SNAP91: variants seen among roughly 807,000 people sequenced by gnomAD.
SNAP91 encodes clathrin coat assembly protein AP180.
SNAP91 carries 27 observed loss-of-function variants against 100.3 expected under a neutral mutation model. That is an observed-to-expected ratio of 0.27 (90% CI 0.20 to 0.37). The LOEUF is 0.37. Among genes scored for constraint, SNAP91 ranks in the 10% least tolerant of loss-of-function variants. The pLI is 1.00. For missense variants in SNAP91, 986 were observed against 1,123.7 expected (o/e 0.88, Z 1.75); for synonymous variants, 404 against 398.6 (o/e 1.01, Z -0.16).
At chr6:83,611,149 G>A (rs561075541) in intron 11 of SNAP91, among the ~76,000 whole-genome samples, 2 of 152,084 alleles carry the variant, frequency 1.3e-5, no homozygotes, top group African/African-American at 2.4e-5. Context: ...GATCCCTACA[G>A]GCCCTGTGCT....
intron 2 of SNAP91, among the ~76,000 whole-genome samples, chr6:83,686,486 T>A (rs1399929330): frequency 6.6e-6 from 1 of 152,240 alleles, no homozygotes; most frequent in East Asian, 1.9e-4. Context: ...TAAAGATTTG[T>A]GCTTTAAACT....
At chr6:83,689,769 T>A (rs1418411839) in intron 2 of SNAP91, 3 of 152,136 alleles carry the variant, frequency 2.0e-5, no homozygotes, top group Non-Finnish European at 1.5e-5. Flanking sequence ...AATATCCTTA[T>A]AATTTTCTAT....
At chr6:83,607,202 C>G (rs1328283990) in intron 13 of SNAP91, among the ~76,000 whole-genome samples, 2 of 152,116 alleles carry the variant, frequency 1.3e-5, no homozygotes, top group South Asian at 2.1e-4. Flanking sequence ...CCCCAGATTT[C>G]TCACTACTGT....
intron 2 of SNAP91, among the ~76,000 whole-genome samples, chr6:83,681,855 C>T (rs1056976867): frequency 5.3e-5 from 8 of 152,132 alleles, no homozygotes; most frequent in Admixed American, 1.3e-4. Flanking sequence ...AAATCCTGGA[C>T]TGAAAAACAG....
intron 26 of SNAP91, among the ~76,000 whole-genome samples, chr6:83,573,201 A>G (rs1180185547): frequency 6.6e-6 from 1 of 152,172 alleles, no homozygotes; most frequent in Non-Finnish European, 1.5e-5. Context: ...CCCATTCACA[A>G]TTGCTTCAAA....
At chr6:83,704,618 T>A (rs1180362048) in intron 2 of SNAP91, among the ~76,000 whole-genome samples, 1 of 152,068 alleles carries the variant, frequency 6.6e-6, no homozygotes, top group Admixed American at 6.6e-5. Flanking sequence ...GAAAAGAATT[T>A]ATCATTTAAA....
intron 22 of SNAP91, among the ~76,000 whole-genome samples, chr6:83,590,184 T>C (rs1389958655): frequency 2.0e-5 from 3 of 152,136 alleles, no homozygotes; most frequent in African/African-American, 7.2e-5. Context: ...GTGCTTCCTG[T>C]TATGTACCTG....
intron 22 of SNAP91, among the ~76,000 whole-genome samples, chr6:83,584,018 A>G (rs1041753834): frequency 6.6e-6 from 1 of 152,220 alleles, no homozygotes; most frequent in Non-Finnish European, 1.5e-5. Context: ...TCTTTACTGA[A>G]GAAGACGTTC....
At chr6:83,666,420 A>G (rs1398920473) in intron 2 of SNAP91, among the ~76,000 whole-genome samples, 2 of 152,096 alleles carry the variant, frequency 1.3e-5, no homozygotes, top group African/African-American at 4.8e-5. Context: ...TCTTCAGGAC[A>G]GCAGACACTG....
At chr6:83,630,878 G>A (rs112491978) in intron 8 of SNAP91, among the ~76,000 whole-genome samples, 60 of 151,604 alleles carry the variant, frequency 4.0e-4, no homozygotes, top group African/African-American at 1.2e-3. Flanking sequence ...TTTCTTCTGC[G>A]GGGTTTGGGT....
intron 2 of SNAP91, among the ~76,000 whole-genome samples, chr6:83,671,380 A>C (rs1283883554): frequency 6.6e-6 from 1 of 152,048 alleles, no homozygotes; most frequent in East Asian, 1.9e-4. Flanking sequence ...CTTCCTTATC[A>C]GTTCTTTTTG....
At chr6:83,571,285 A>G (rs933221395) in intron 26 of SNAP91, among the ~76,000 whole-genome samples, 7 of 152,036 alleles carry the variant, frequency 4.6e-5, no homozygotes, top group African/African-American at 1.7e-4. Flanking sequence ...TTGTATTTTT[A>G]GTAGAGATGG....
rs377444680 is a variant in SNAP91, at chr6:83,707,892, G to C, written c.36C>G (p.Ala12=). Reference sequence around the variant, plus strand: ...CAGAGCCTGTAACGCTGTACTGAGCGGCGGCGATCCGATCCGTGAGCGTTT... The same window carrying C: ...CAGAGCCTGTAACGCTGTACTGAGCCGCGGCGATCCGATCCGTGAGCGTTT... ...SGQTLTDRIA[A]AQYSVTGSAV... Residue 12 remains alanine, a synonymous_variant, in exon 2 of 30, where the codon GCC becomes GCG. Coordinates refer to ENST00000369694, the MANE Select transcript of SNAP91 (RefSeq NM_001242792.2). The C allele has an allele frequency of 1.3e-6, 2 of 1,597,072 alleles. No individual in the cohort carries two copies. The highest frequency in any genetic ancestry group is 2.3e-5 in the East Asian group (1 of 43,942).
chr6:83,656,238 C>A (rs1400692816), intron 7 of SNAP91, among the ~76,000 whole-genome samples: 1 of 152,072 alleles, frequency 6.6e-6, no homozygotes, highest in Admixed American at 6.6e-5. Context: ...ATATTCATCC[C>A]ATTTGAATAA....
intron 7 of SNAP91, among the ~76,000 whole-genome samples, chr6:83,652,261 T>G (rs989676896): frequency 6.6e-6 from 1 of 152,288 alleles, no homozygotes; most frequent in Non-Finnish European, 1.5e-5. Flanking sequence ...TTTATTGCCT[T>G]TGTTCTTTGT....
intron 28 of SNAP91, among the ~76,000 whole-genome samples, chr6:83,558,177 A>G (rs1043698869): frequency 2.0e-5 from 3 of 152,186 alleles, no homozygotes; most frequent in African/African-American, 4.8e-5. Context: ...AGCTTTCAGT[A>G]TATCAAACAC....
In SNAP91 at chr6:83,560,322, T is replaced by C; in HGVS notation, c.2527-114A>G. On this transcript the variant is annotated intron_variant, in intron 27 of 29. Transcript: ENST00000369694. ...ACAATATTTGAGGAATCCAGGACTA[T>C]GAGGAAGCATAATTTGTAATTTTAA... 3 of 711,576 alleles carry C rather than the reference T, an allele frequency of 4.2e-6. No homozygotes were observed. In the South Asian group the frequency reaches 5.5e-5, roughly 13 times the overall value. 44.1% of individuals were successfully genotyped at this position (711,576 alleles called of 1,614,324 possible).
chr6:83,645,013 C>T (rs2128589213), intron 7 of SNAP91, among the ~76,000 whole-genome samples: 1 of 152,230 alleles, frequency 6.6e-6, no homozygotes, highest in African/African-American at 2.4e-5. Flanking sequence ...AGTCCCCAAA[C>T]CACCAGGAAC....
intron 9 of SNAP91, among the ~76,000 whole-genome samples, chr6:83,619,418 A>G (rs1356167944): frequency 6.6e-6 from 1 of 152,158 alleles, no homozygotes; most frequent in African/African-American, 2.4e-5. Flanking sequence ...AATGAAAACC[A>G]CCTCTTAAAT....
Sources: gnomAD v4.1 joint callset for allele counts (sites outside exome capture counted in the v4.1 genomes callset) on GRCh38, gnomAD v4.1.1 for gene constraint, MANE v1.5 for transcripts, NCBI Gene and HGNC (gene_info 2026-07-23, HGNC 2026-07-21) for gene names.